Variants in SHANK2 observed in about 807,000 individuals in gnomAD.
The protein encoded by SHANK2 is SH3 and multiple ankyrin repeat domains protein 2.
A neutral mutation model predicts 133.7 loss-of-function variants in SHANK2; 43 were observed. That is an observed-to-expected ratio of 0.32 (90% confidence interval 0.25 to 0.41). The LOEUF (loss-of-function observed/expected upper bound fraction) is 0.41. Ranked by LOEUF, SHANK2 falls within the 10% of genes least tolerant of loss-of-function variation. The probability of loss-of-function intolerance (pLI) is 1.00; values close to 1 mark genes in which losing one functional copy is unlikely to be tolerated. For synonymous variants in SHANK2, 1,017 were observed against 952.8 expected (o/e 1.07, Z -1.24); for missense variants, 1,994 against 2,235.8 (o/e 0.89, Z 2.18).
intron 2 of SHANK2, among the ~76,000 whole-genome samples, chr11:71,184,372 GA>G (rs1953629271): frequency 6.6e-6 from 1 of 152,158 alleles, no homozygotes; most frequent in African/African-American, 2.4e-5. Context: ...TGGCCCCCAC[GA>G]AAAGCAATGG....
At chr11:70,839,807 C>T (rs1276606000) in intron 11 of SHANK2, among the ~76,000 whole-genome samples, 9 of 152,162 alleles carry the variant, frequency 5.9e-5, no homozygotes, top group Admixed American at 2.0e-4. Flanking sequence ...ACCTAGTTAG[C>T]GAATCCAAAT....
intron 17 of SHANK2, among the ~76,000 whole-genome samples, chr11:70,530,276 T>C (rs1334690064): frequency 6.6e-6 from 1 of 152,224 alleles, no homozygotes; most frequent in Non-Finnish European, 1.5e-5. Flanking sequence ...CTCTGCACTA[T>C]GTTGCCCAGG....
Position 70,577,016 on chromosome 11 carries a change from C to T in SHANK2, c.2062-74085G>A, listed in dbSNP as rs1368294671. On this transcript the variant is annotated intron_variant, in intron 17 of 25. Transcript: ENST00000601538. ...CACTGTGGGAGCCCAGGAGAGCGCCCGTCCTGCACCTGCCACGGAGGCCAC... is the reference window on the plus strand; with the variant it reads ...CACTGTGGGAGCCCAGGAGAGCGCCTGTCCTGCACCTGCCACGGAGGCCAC... 2.7e-4 allele frequency among the ~76,000 whole-genome samples: 41 copies of T among 152,176 alleles called. 2 individuals are homozygous for T. Among genetic ancestry groups the T allele is most frequent in the Admixed American group, 2.5e-3 (38 of 15,288 alleles).
At chr11:70,628,311 C>T (rs1337362039) in intron 17 of SHANK2, among the ~76,000 whole-genome samples, 2 of 152,054 alleles carry the variant, frequency 1.3e-5, no homozygotes, top group African/African-American at 2.4e-5. Flanking sequence ...TGGGAGGGTC[C>T]GGGAGCAGAA....
intron 14 of SHANK2, among the ~76,000 whole-genome samples, chr11:70,725,999 C>G (rs1946173741): frequency 6.6e-6 from 1 of 152,222 alleles, no homozygotes; most frequent in South Asian, 2.1e-4. Context: ...TGAACTCACA[C>G]ACACAGGCAG....
chr11:70,845,712 A>G (rs73532097), intron 11 of SHANK2, among the ~76,000 whole-genome samples: 5,524 of 152,292 alleles, frequency 0.036, 282 homozygotes, highest in African/African-American at 0.12. Context: ...AGAATGAAAC[A>G]GACGGCCCCG....
rs373064441 is a variant in SHANK2 at position 70,676,741 on chromosome 11, C to T, written c.1854-15063G>A. Among the ~76,000 whole-genome samples, 34 of 152,194 alleles carry T rather than the reference C, an allele frequency of 2.2e-4. No individual in the cohort carries two copies. The East Asian group carries it at 3.7e-3, about 16-fold the overall frequency. ...GCTTCCTGACAACTTAAGAGGTCTC[C>T]GAGTTATATTCTGGGTTGGGAAACA... On this transcript the variant is annotated intron_variant, in intron 15 of 25. Coordinates refer to ENST00000601538, the MANE Select transcript of SHANK2 (RefSeq NM_012309.5).
At chr11:71,209,859 C>T (rs1395935786) in intron 2 of SHANK2, among the ~76,000 whole-genome samples, 1 of 152,020 alleles carries the variant, frequency 6.6e-6, no homozygotes, top group African/African-American at 2.4e-5. Context: ...TGCCTGGCAC[C>T]CCGTGGGGGC....
intron 10 of SHANK2, among the ~76,000 whole-genome samples, chr11:70,920,959 C>T (rs1950341424): frequency 6.6e-6 from 1 of 152,146 alleles, no homozygotes; most frequent in Non-Finnish European, 1.5e-5. Flanking sequence ...TTAGACGTGG[C>T]CCTTAAACAC....
intron 6 of SHANK2, among the ~76,000 whole-genome samples, chr11:71,096,724 T>G (rs2135137551): frequency 6.6e-6 from 1 of 152,342 alleles, no homozygotes; most frequent in East Asian, 1.9e-4. Flanking sequence ...CAGTTAGGAT[T>G]TTCTTTCCCA....
chr11:70,510,431 C>T (rs139519730), intron 17 of SHANK2, among the ~76,000 whole-genome samples: 2 of 152,316 alleles, frequency 1.3e-5, no homozygotes, highest in African/African-American at 4.8e-5. Flanking sequence ...TTGCCCTTCC[C>T]CACCCCACAG....
At chr11:70,839,927 G>A (rs1948877150) in intron 11 of SHANK2, among the ~76,000 whole-genome samples, 1 of 152,202 alleles carries the variant, frequency 6.6e-6, no homozygotes, top group South Asian at 2.1e-4. Flanking sequence ...CACCACATCT[G>A]CATCAAGAAA....
chr11:71,231,736 T>C (rs181033246), intron 1 of SHANK2, among the ~76,000 whole-genome samples: 45 of 152,002 alleles, frequency 3.0e-4, no homozygotes, highest in African/African-American at 9.6e-4. Flanking sequence ...TAAAAATACA[T>C]AAATTAGCTG....
At chr11:70,530,624 G>A (rs1416867004) in intron 17 of SHANK2, among the ~76,000 whole-genome samples, 3 of 152,162 alleles carry the variant, frequency 2.0e-5, no homozygotes, top group Non-Finnish European at 2.9e-5. Flanking sequence ...AGCGAAATAA[G>A]CCAGACACAG....
intron 25 of SHANK2, among the ~76,000 whole-genome samples, chr11:70,482,656 G>A (rs190561496): frequency 8.7e-4 from 133 of 152,366 alleles, no homozygotes; most frequent in Non-Finnish European, 1.8e-3. Context: ...TTTGGTGAAT[G>A]CTTTGTGTCA....
chr11:70,904,996 A>ACC (rs1950078717), intron 10 of SHANK2, among the ~76,000 whole-genome samples: 1 of 152,168 alleles, frequency 6.6e-6, no homozygotes, highest in Non-Finnish European at 1.5e-5. Context: ...GGCAGCGTGA[A>ACC]AATGGACTAA....
chr11:71,074,855 C>T (rs994344709), intron 9 of SHANK2, among the ~76,000 whole-genome samples: 27 of 147,270 alleles, frequency 1.8e-4, no homozygotes, highest in Admixed American at 1.8e-3. Context: ...TCTCGGCTCA[C>T]TGCAAGCTCC....
intron 1 of SHANK2, among the ~76,000 whole-genome samples, chr11:71,239,951 T>C (rs1954868042): frequency 6.6e-6 from 1 of 152,018 alleles, no homozygotes; most frequent in Non-Finnish European, 1.5e-5. Context: ...CAACCACACA[T>C]CCCCGGGAGC....
intron 10 of SHANK2, among the ~76,000 whole-genome samples, chr11:70,945,465 G>A (rs1258008772): frequency 2.0e-5 from 3 of 152,300 alleles, no homozygotes; most frequent in African/African-American, 4.8e-5. Flanking sequence ...CCTCCAATAC[G>A]CTGAGCTCCG....
Sources: gnomAD v4.1 joint callset for allele counts (sites outside exome capture counted in the v4.1 genomes callset) on GRCh38, gnomAD v4.1.1 for gene constraint, MANE v1.5 for transcripts, NCBI Gene and HGNC (gene_info 2026-07-23, HGNC 2026-07-21) for gene names.